Variants in SLC35D1 observed in about 807,000 individuals in gnomAD.
The protein encoded by SLC35D1 is nucleotide sugar transporter SLC35D1.
Under a neutral mutation model 46.7 loss-of-function variants are expected in SLC35D1, and 31 were observed. The ratio of observed to expected loss-of-function variants is 0.66; its 90% CI spans 0.50 to 0.90. The LOEUF (loss-of-function observed/expected upper bound fraction) is 0.90, where lower values mean the gene tolerates loss of function less well. Among genes scored for constraint, SLC35D1 ranks in the 40% least tolerant of loss-of-function variants. The pLI is 0.00. For missense variants in SLC35D1, 397 were observed against 426.2 expected, an observed-to-expected ratio of 0.93 and a Z score of 0.60; for synonymous variants, 195 against 164.6, an observed-to-expected ratio of 1.18 and a Z score of -1.41.
At chr1:66,998,370 T>C (rs897628773), downstream of SLC35D1, among the ~76,000 whole-genome samples, 3 of 152,060 alleles carry the variant, frequency 2.0e-5, no homozygotes, top group Non-Finnish European at 2.9e-5. Context: ...ATGCCTGTAA[T>C]CCCAGTCACT....
the SLC35D1 span, among the ~76,000 whole-genome samples, chr1:66,977,524 G>A: frequency 6.6e-6 from 1 of 152,112 alleles, no homozygotes; most frequent in African/African-American, 2.4e-5. Flanking sequence ...TAACTCTAGT[G>A]TAGTCCCATT....
chr1:67,047,371 C>CAA lies in SLC35D1; in HGVS notation c.534-6_534-5dup. 1 of 1,610,446 alleles carries CAA rather than the reference C, an allele frequency of 6.2e-7. No individual in the cohort carries two copies. The highest frequency in any genetic ancestry group is 1.7e-5 in the Admixed American group (1 of 59,984). On this transcript the variant is annotated splice_polypyrimidine_tract_variant and splice_region_variant and intron_variant, in intron 6 of 11. Transcript: ENST00000235345. ...CAGATCAAATGCCAAGTCAGAGCTG[C>CAA]AAAACATAAGCAACACTTTAAGAAC...
intron 8 of SLC35D1, among the ~76,000 whole-genome samples, chr1:67,023,721 A>G (rs975263433): frequency 6.6e-6 from 1 of 151,784 alleles, no homozygotes; most frequent in African/African-American, 2.4e-5. Flanking sequence ...CCTGACTTCA[A>G]GTGATCCGCC....
At chr1:67,039,562 CA>C (rs1276681740) in intron 8 of SLC35D1, among the ~76,000 whole-genome samples, 14 of 149,812 alleles carry the variant, frequency 9.3e-5, no homozygotes, top group African/African-American at 3.4e-4. Flanking sequence ...TTATTTTACC[CA>C]AAAGGTAGGA....
the SLC35D1 span, chr1:66,985,296 A>C: frequency 2.0e-6 from 2 of 985,196 alleles, no homozygotes; most frequent in Non-Finnish European, 2.4e-6. Context: ...GATGAATGGG[A>C]AACTCAAGTC....
At chr1:66,986,376 TTAA>T in the SLC35D1 span, 1 of 1,604,018 alleles carries the variant, frequency 6.2e-7, no homozygotes, top group Middle Eastern at 1.9e-4. Flanking sequence ...TTATAAAATA[TTAA>T]TTATTCTTGT....
chr1:66,998,129 CA>C (rs1031939226), downstream of SLC35D1, among the ~76,000 whole-genome samples: 5 of 151,788 alleles, frequency 3.3e-5, no homozygotes, highest in Non-Finnish European at 7.4e-5. Flanking sequence ...AGTGGTTTCT[CA>C]AAAAAATTAG....
At chr1:66,973,659 G>A in the SLC35D1 span, among the ~76,000 whole-genome samples, 1 of 151,952 alleles carries the variant, frequency 6.6e-6, no homozygotes, top group African/African-American at 2.4e-5. Context: ...ATTTTTAATA[G>A]TAACCATATA....
Position 67,052,819 on chromosome 1 carries a change from C to A in SLC35D1, c.276G>T (p.Ala92=), listed in dbSNP as rs1645324419. 2 of 1,614,166 alleles carry A rather than the reference C, an allele frequency of 1.2e-6. No individual in the cohort carries two copies. Among genetic ancestry groups the A allele is most frequent in the South Asian group, 1.1e-5 (1 of 91,084 alleles). ...GGTCAGGAAACTTGACTACTCTGAG[C>A]GCCTTTCCCACCCAGAGAACTGCCA... ...ATVAVLWVGK[A]LRVVKFPDLD... is the part of the protein sequence containing the mutation. The change falls in exon 3 of 12, where the codon GCG becomes GCT. Residue 92 remains alanine (A), a synonymous_variant. Coordinates refer to ENST00000235345, the MANE Select transcript of SLC35D1 (RefSeq NM_015139.3).
chr1:66,992,115 G>A, the SLC35D1 span, among the ~76,000 whole-genome samples: 1 of 152,114 alleles, frequency 6.6e-6, no homozygotes, highest in African/African-American at 2.4e-5. Flanking sequence ...GCACATTCTC[G>A]AACAAACCTA....
chr1:67,019,700 C>A (rs1442548352), intron 10 of SLC35D1, among the ~76,000 whole-genome samples: 1 of 152,182 alleles, frequency 6.6e-6, no homozygotes, highest in Non-Finnish European at 1.5e-5. Flanking sequence ...AGGAAGCAGG[C>A]CCACTTGGCT....
chr1:67,019,181 C>T (rs1667746093), intron 10 of SLC35D1, among the ~76,000 whole-genome samples: 2 of 152,190 alleles, frequency 1.3e-5, no homozygotes, highest in Admixed American at 6.6e-5. Flanking sequence ...ATAGGCTTTC[C>T]GGCATCATCC....
the SLC35D1 span, among the ~76,000 whole-genome samples, chr1:66,982,515 C>T: frequency 3.3e-5 from 5 of 152,198 alleles, no homozygotes; most frequent in East Asian, 5.8e-4. Flanking sequence ...CCAGAGATCA[C>T]TGTGCTGATC....
intron 8 of SLC35D1, among the ~76,000 whole-genome samples, chr1:67,036,395 A>C (rs917174628): frequency 1.3e-5 from 2 of 152,068 alleles, no homozygotes; most frequent in Admixed American, 1.3e-4. Context: ...CACTGTAGAG[A>C]TCTTTCATTT....
At chr1:67,006,068 G>A (rs934378035) in intron 11 of SLC35D1, among the ~76,000 whole-genome samples, 4 of 151,848 alleles carry the variant, frequency 2.6e-5, no homozygotes, top group African/African-American at 7.3e-5. Context: ...CAGGCAGGTC[G>A]TGAACTCCTG....
At position 67,054,128 on chromosome 1, in the gene SLC35D1, C is replaced by T. The variant is rs547833316; in HGVS notation, c.-115G>A. ...CCGCAGACTAGGCCAGCTGCGCGCT[C>T]GCCGCCTCGACTCCCCGCTTGGCCG... On this transcript the variant is annotated 5_prime_UTR_variant, in exon 1 of 12. Coordinates refer to ENST00000235345, the MANE Select transcript of SLC35D1 (RefSeq NM_015139.3). 7.8e-3 allele frequency: 8,194 copies of T among 1,053,640 alleles called. 46 individuals carry two copies. Among genetic ancestry groups the T allele is most frequent in the Non-Finnish European group, 9.9e-3 (7,366 of 747,316 alleles). The allele number at this position is 1,053,640 out of a possible 1,614,324, so 65.3% of individuals were successfully genotyped here.
rs1645297505 is a variant in SLC35D1 at position 67,050,507 on chromosome 1, GGA to G, written c.393-5_393-4del. 6.3e-7 allele frequency: 1 copy of G among 1,579,572 alleles called. No homozygotes were observed. The highest frequency in any genetic ancestry group is 1.8e-5 in the African/African-American group (1 of 54,970). ...TCAGAACTGTAAACATTGGCAAGCTGGAAAAAAAAAAGATAATTAGGTAAAAT... is the reference window on the plus strand; with the variant it reads ...TCAGAACTGTAAACATTGGCAAGCTGAAAAAAAAAGATAATTAGGTAAAAT... On this transcript the variant is annotated splice_polypyrimidine_tract_variant and splice_region_variant and intron_variant, in intron 4 of 11. Transcript: ENST00000235345.
Position 67,021,587 on chromosome 1 carries a change from C to T in SLC35D1, c.745G>A (p.Gly249Ser), listed in dbSNP as rs1322294156. The change falls in exon 9 of 12, where the codon GGC becomes AGC. Residue 249 changes from glycine (G) to serine (S), a missense_variant. Transcript: ENST00000235345. Reference protein sequence around the residue: ...GDAQKAVEFEGWADTLFLLQF... With the variant: ...GDAQKAVEFESWADTLFLLQF... ...AGAAGAAAGAGGGTGTCAGCCCAGC[C>T]TTCAAACTCCACAGCCTGCAACACA... The T allele has an allele frequency of 1.9e-6, 3 of 1,613,922 alleles. No homozygotes were observed. Among genetic ancestry groups the T allele is most frequent in the African/African-American group, 1.3e-5 (1 of 75,018 alleles).
At position 67,053,842 on chromosome 1, in the gene SLC35D1, C is replaced by T; in HGVS notation, c.172G>A (p.Val58Met). The change falls in exon 1 of 12, where the codon GTG becomes ATG. Residue 58 changes from valine to methionine, a missense_variant. Physicochemically the swap from Val to Met is conservative, Grantham distance 21. Coordinates refer to ENST00000235345, the MANE Select transcript of SLC35D1 (RefSeq NM_015139.3). Reference sequence around the variant, plus strand: ...TTGGTGAGCACGCTCTTATTCACCACCACGATCAGGAAGGAGCTCACGCCG... The same window carrying T: ...TTGGTGAGCACGCTCTTATTCACCATCACGATCAGGAAGGAGCTCACGCCG... ...FYGVSSFLIVVVNKSVLTNYR... is the reference protein window; with the variant it reads ...FYGVSSFLIVMVNKSVLTNYR... 1 of 1,613,194 alleles carries T rather than the reference C, an allele frequency of 6.2e-7. No homozygotes were observed. The highest frequency in any genetic ancestry group is 8.5e-7 in the Non-Finnish European group (1 of 1,179,460).
Sources: gnomAD v4.1 joint callset for allele counts (sites outside exome capture counted in the v4.1 genomes callset) on GRCh38, gnomAD v4.1.1 for gene constraint, MANE v1.5 for transcripts, NCBI Gene and HGNC (gene_info 2026-07-23, HGNC 2026-07-21) for gene names.